The following ATP2B2 variants were observed in gnomAD, a reference collection of about 807,000 sequenced individuals.
The protein encoded by ATP2B2 is ATPase plasma membrane Ca2+ transporting 2, also known as plasma membrane calcium-transporting ATPase 2.
Under a neutral mutation model 120.0 loss-of-function variants are expected in ATP2B2, and 15 were observed. The observed-to-expected ratio is 0.12, with a 90% confidence interval of 0.08 to 0.19. The LOEUF (loss-of-function observed/expected upper bound fraction) is 0.19, where lower values mean the gene tolerates loss of function less well. Among genes scored for constraint, ATP2B2 ranks in the 10% least tolerant of loss-of-function variants. The pLI, the probability that ATP2B2 is intolerant of heterozygous loss-of-function variation, is 1.00. For missense variants in ATP2B2, 1,045 were observed against 1,719.8 expected, an observed-to-expected ratio of 0.61 and a Z score of 6.94; for synonymous variants, 694 against 700.3, an observed-to-expected ratio of 0.99 and a Z score of 0.14.
At chr3:10,663,529 C>A (rs928825283) in intron 1 of ATP2B2, among the ~76,000 whole-genome samples, 1 of 152,140 alleles carries the variant, frequency 6.6e-6, no homozygotes, top group Non-Finnish European at 1.5e-5. Context: ...GGGACCCATA[C>A]CCACCAGTCA....
At chr3:10,519,141 CT>C (rs1263044486) in intron 3 of ATP2B2, among the ~76,000 whole-genome samples, 1 of 152,242 alleles carries the variant, frequency 6.6e-6, no homozygotes, top group East Asian at 1.9e-4. Context: ...AGTTAGGCAG[CT>C]TGCCCAAGGT....
At chr3:10,531,877 C>T (rs375359102) in intron 3 of ATP2B2, among the ~76,000 whole-genome samples, 117 of 152,194 alleles carry the variant, frequency 7.7e-4, no homozygotes, top group African/African-American at 2.6e-3. Context: ...GGTCCTCCAT[C>T]GCTGCCCTTG....
intron 1 of ATP2B2, among the ~76,000 whole-genome samples, chr3:10,686,651 C>G (rs1173433172): frequency 2.0e-5 from 3 of 150,840 alleles, no homozygotes; most frequent in Admixed American, 6.6e-5. Context: ...GAGACTCCAT[C>G]TCAAAAAAAA....
chr3:10,545,397 T>C (rs2067523135), intron 2 of ATP2B2, among the ~76,000 whole-genome samples: 2 of 152,046 alleles, frequency 1.3e-5, no homozygotes, highest in East Asian at 1.9e-4. Flanking sequence ...GGCATGATGG[T>C]GGGTGCCTGT....
rs140295226 is a variant in ATP2B2, at chr3:10,501,372, G to GTTT, written c.-320+4092_-320+4093insAAA. 6.3e-4 allele frequency among the ~76,000 whole-genome samples: 87 copies of GTTT among 138,046 alleles called. 16 individuals are homozygous for GTTT. The highest frequency in any genetic ancestry group is 6.5e-4 in the African/African-American group (21 of 32,358). 90.6% of individuals were successfully genotyped at this position (138,046 alleles called of 152,430 possible). A position where few individuals can be genotyped will look rare whatever the true frequency, so the allele number is the denominator to read the frequency against. On this transcript the variant is annotated intron_variant, in intron 1 of 22. Transcript: ENST00000360273. Reference sequence around the variant, plus strand: ...CCATAGCATAACCCATTTTTTAAACGGTTTTTTTTTTTTTTTGAGACAGGG... The same window carrying GTTT: ...CCATAGCATAACCCATTTTTTAAACGTTTGTTTTTTTTTTTTTTTGAGACAGGG...
intron 14 of ATP2B2, among the ~76,000 whole-genome samples, chr3:10,351,140 T>C (rs1340607763): frequency 6.6e-6 from 1 of 152,226 alleles, no homozygotes; most frequent in Non-Finnish European, 1.5e-5. Flanking sequence ...TCTGCAATAA[T>C]AAGGATAGGT....
intron 2 of ATP2B2, among the ~76,000 whole-genome samples, chr3:10,542,401 G>A (rs1374531673): frequency 6.6e-6 from 1 of 152,162 alleles, no homozygotes; most frequent in Non-Finnish European, 1.5e-5. Context: ...GAGAAGGAAA[G>A]TTTATTGCAT....
At chr3:10,495,098 A>G (rs1039576915) in intron 1 of ATP2B2, among the ~76,000 whole-genome samples, 3 of 152,232 alleles carry the variant, frequency 2.0e-5, no homozygotes, top group African/African-American at 7.2e-5. Context: ...GACATGGTCA[A>G]TTCCTGGGGG....
At chr3:10,624,978 T>C (rs2069655112) in intron 1 of ATP2B2, among the ~76,000 whole-genome samples, 1 of 152,218 alleles carries the variant, frequency 6.6e-6, no homozygotes, top group South Asian at 2.1e-4. Flanking sequence ...AAAGCGGGCC[T>C]TTCTGTGTCC....
upstream of ATP2B2, among the ~76,000 whole-genome samples, chr3:10,506,185 T>C (rs1432491142): frequency 6.6e-6 from 1 of 152,042 alleles, no homozygotes; most frequent in Non-Finnish European, 1.5e-5. Context: ...CATCTGTGTT[T>C]CCAGGGCCAG....
At chr3:10,565,034 G>C (rs560920973) in intron 2 of ATP2B2, among the ~76,000 whole-genome samples, 1 of 152,272 alleles carries the variant, frequency 6.6e-6, no homozygotes, top group South Asian at 2.1e-4. Flanking sequence ...TTAAAACACT[G>C]GGGGGTGTGT....
At chr3:10,618,207 T>C (rs1455940468) in intron 2 of ATP2B2, among the ~76,000 whole-genome samples, 3 of 152,232 alleles carry the variant, frequency 2.0e-5, no homozygotes, top group African/African-American at 4.8e-5. Context: ...TGCATCTTAA[T>C]GGTCAAGTGA....
intron 1 of ATP2B2, among the ~76,000 whole-genome samples, chr3:10,464,157 A>G (rs1053472349): frequency 1.3e-5 from 2 of 152,152 alleles, no homozygotes; most frequent in African/African-American, 4.8e-5. Context: ...CACTGCGGAG[A>G]CGAACAGAAT....
intron 19 of ATP2B2, among the ~76,000 whole-genome samples, chr3:10,341,602 C>A (rs1231460511): frequency 1.3e-5 from 2 of 152,198 alleles, no homozygotes; most frequent in East Asian, 3.9e-4. Flanking sequence ...TGAGCCACTG[C>A]ACCTGGCCAA....
chr3:10,434,996 T>C (rs475185), intron 2 of ATP2B2, among the ~76,000 whole-genome samples: 35,585 of 152,236 alleles, frequency 0.23, 5,486 homozygotes, highest in East Asian at 0.57. Flanking sequence ...GTGCCCTCTA[T>C]GGGGGAAGAG....
chr3:10,603,050 G>A (rs2068966355), intron 2 of ATP2B2, among the ~76,000 whole-genome samples: 1 of 152,228 alleles, frequency 6.6e-6, no homozygotes, highest in Admixed American at 6.5e-5. Flanking sequence ...CACTGGCCAA[G>A]AGGCAGAAAC....
chr3:10,356,975 G>A (rs2060752523), intron 14 of ATP2B2, among the ~76,000 whole-genome samples: 1 of 151,476 alleles, frequency 6.6e-6, no homozygotes, highest in African/African-American at 2.4e-5. Context: ...GAGAGAGAGA[G>A]AGAGAGAGAG....
chr3:10,513,171 C>CA (rs34894974), intron 3 of ATP2B2, among the ~76,000 whole-genome samples: 1 of 151,834 alleles, frequency 6.6e-6, no homozygotes, highest in Non-Finnish European at 1.5e-5. Context: ...CAGGAGGCCC[C>CA]GGTGTCTCTG....
intron 8 of ATP2B2, among the ~76,000 whole-genome samples, chr3:10,384,460 A>G (rs1470393344): frequency 1.3e-5 from 2 of 152,216 alleles, no homozygotes; most frequent in Non-Finnish European, 2.9e-5. Flanking sequence ...CTGAGTAAAC[A>G]AAAGCCTTGT....
Sources: allele counts gnomAD v4.1 joint callset (sites outside exome capture counted in the v4.1 genomes callset), GRCh38; gene constraint gnomAD v4.1.1; transcripts MANE v1.5; gene names NCBI Gene and HGNC (gene_info 2026-07-23, HGNC 2026-07-21).